The following MARCHF1 variants were observed in gnomAD, a reference collection of about 807,000 sequenced individuals.
The protein encoded by MARCHF1 is E3 ubiquitin-protein ligase MARCHF1.
Under a neutral mutation model 54.2 loss-of-function variants are expected in MARCHF1, and 40 were observed. The ratio of observed to expected loss-of-function variants is 0.74; its 90% CI spans 0.57 to 0.96. The LOEUF (loss-of-function observed/expected upper bound fraction) is 0.96, where lower values mean the gene tolerates loss of function less well. MARCHF1 is among the 40% of genes least tolerant of loss of function. The pLI, the probability that MARCHF1 is intolerant of heterozygous loss-of-function variation, is 0.00. For synonymous variants in MARCHF1, 236 were observed against 236.3 expected, an observed-to-expected ratio of 1.00 and a Z score of 0.01; for missense variants, 586 against 656.5, an observed-to-expected ratio of 0.89 and a Z score of 1.17.
intron 1 of MARCHF1, among the ~76,000 whole-genome samples, chr4:164,121,050 G>T (rs1177250711): frequency 6.6e-6 from 1 of 151,732 alleles, no homozygotes; most frequent in African/African-American, 2.4e-5. Context: ...TTGTTTTTTT[G>T]AAAAGTTAAA....
intron 2 of MARCHF1, among the ~76,000 whole-genome samples, chr4:164,028,558 C>T (rs1309629216): frequency 1.3e-5 from 2 of 152,098 alleles, no homozygotes; most frequent in African/African-American, 2.4e-5. Flanking sequence ...ACAACAGACA[C>T]TGCAAACTAC....
chr4:163,622,750 C>G (rs1281336391), intron 5 of MARCHF1, among the ~76,000 whole-genome samples: 1 of 152,170 alleles, frequency 6.6e-6, no homozygotes, highest in African/African-American at 2.4e-5. Flanking sequence ...TTGCCTAATG[C>G]TCCTTTTGGC....
At chr4:163,748,326 A>T (rs1746420552) in intron 4 of MARCHF1, among the ~76,000 whole-genome samples, 1 of 151,998 alleles carries the variant, frequency 6.6e-6, no homozygotes, top group East Asian at 1.9e-4. Context: ...AGACAAGAGA[A>T]TGAGGTAAAG....
chr4:163,684,903 C>T (rs1207273662), intron 5 of MARCHF1, among the ~76,000 whole-genome samples: 1 of 152,192 alleles, frequency 6.6e-6, no homozygotes, highest in Non-Finnish European at 1.5e-5. Flanking sequence ...GCTATCCATC[C>T]CTTTATCCAT....
chr4:163,895,042 ACAT>A (rs1750774857), intron 3 of MARCHF1, among the ~76,000 whole-genome samples: 2 of 151,966 alleles, frequency 1.3e-5, no homozygotes, highest in African/African-American at 4.8e-5. Context: ...GCACACATAT[ACAT>A]ATATGCATGT....
At chr4:163,960,720 T>G (rs1463850260) in intron 3 of MARCHF1, among the ~76,000 whole-genome samples, 2 of 151,612 alleles carry the variant, frequency 1.3e-5, no homozygotes, top group Non-Finnish European at 2.9e-5. Context: ...GCTTAATACC[T>G]GGGCGATGAA....
intron 1 of MARCHF1, among the ~76,000 whole-genome samples, chr4:164,171,329 G>A (rs976228232): frequency 6.6e-6 from 1 of 152,030 alleles, no homozygotes; most frequent in Non-Finnish European, 1.5e-5. Context: ...ATAAGTTACT[G>A]TTAACTTGGA....
chr4:164,140,782 ACAC>A (rs1434573264), intron 1 of MARCHF1, among the ~76,000 whole-genome samples: 1 of 144,836 alleles, frequency 6.9e-6, no homozygotes, highest in African/African-American at 2.6e-5. Context: ...ACACACACAC[ACAC>A]TGAACTCAGT....
chr4:163,645,042 G>A (rs575931026), intron 5 of MARCHF1, among the ~76,000 whole-genome samples: 2 of 152,228 alleles, frequency 1.3e-5, no homozygotes, highest in East Asian at 1.9e-4. Context: ...GCCTGCCCAG[G>A]GACCCACCCA....
In MARCHF1 at chr4:163,733,220, T is replaced by TATATAC. The variant is rs767728359; in HGVS notation, c.112-32358_112-32357insGTATAT. 6.4e-4 allele frequency among the ~76,000 whole-genome samples: 19 copies of TATATAC among 29,682 alleles called. 1 individual carries two copies. The highest frequency in any genetic ancestry group is 3.1e-3 in the South Asian group (2 of 638). 19.5% of individuals were successfully genotyped at this position (29,682 alleles called of 152,430 possible). A position where few individuals can be genotyped will look rare whatever the true frequency, so the allele number is the denominator to read the frequency against. ...ATATATATATATATATATATATATA[T>TATATAC]ACACGTGTATATATATATATACACG... is the stretch of plus-strand genomic sequence containing the variant. On this transcript the variant is annotated intron_variant, in intron 4 of 9. Coordinates refer to ENST00000514618, the MANE Select transcript of MARCHF1 (RefSeq NM_001394959.1).
At chr4:163,648,486 T>G (rs1742841451) in intron 5 of MARCHF1, among the ~76,000 whole-genome samples, 1 of 151,796 alleles carries the variant, frequency 6.6e-6, no homozygotes, top group South Asian at 2.1e-4. Flanking sequence ...TGCATAAAAC[T>G]AGGCACGTTA....
chr4:164,290,993 T>C (rs965536324), intron 1 of MARCHF1, among the ~76,000 whole-genome samples: 4 of 151,976 alleles, frequency 2.6e-5, no homozygotes, highest in African/African-American at 9.6e-5. Flanking sequence ...AAAGTAAACA[T>C]GTTTTTTAAA....
chr4:163,693,203 A>T (rs548303898), intron 5 of MARCHF1, among the ~76,000 whole-genome samples: 1 of 151,548 alleles, frequency 6.6e-6, no homozygotes, highest in East Asian at 2.0e-4. Context: ...TAGGAAATAA[A>T]ACGAACGTAT....
At chr4:164,107,611 C>A (rs1280767163) in intron 2 of MARCHF1, among the ~76,000 whole-genome samples, 1 of 152,116 alleles carries the variant, frequency 6.6e-6, no homozygotes, top group African/African-American at 2.4e-5. Context: ...AATCCACCCA[C>A]TTCTGCCCCT....
chr4:164,264,881 T>C (rs1439930448), intron 1 of MARCHF1, among the ~76,000 whole-genome samples: 1 of 149,942 alleles, frequency 6.7e-6, no homozygotes, highest in Non-Finnish European at 1.5e-5. Context: ...AATCACGCCA[T>C]TGCACTCCAG....
intron 1 of MARCHF1, among the ~76,000 whole-genome samples, chr4:164,229,384 A>G (rs1302958503): frequency 6.6e-6 from 1 of 152,188 alleles, no homozygotes; most frequent in Non-Finnish European, 1.5e-5. Context: ...CACTGTGGAA[A>G]GGCCTGAGAG....
intron 4 of MARCHF1, among the ~76,000 whole-genome samples, chr4:163,751,214 G>A (rs2110780140): frequency 6.6e-6 from 1 of 151,540 alleles, no homozygotes; most frequent in South Asian, 2.1e-4. Flanking sequence ...GTTGGAGAGT[G>A]CAGTAACTAC....
intron 3 of MARCHF1, among the ~76,000 whole-genome samples, chr4:163,875,162 C>T (rs977327419): frequency 6.6e-6 from 1 of 151,856 alleles, no homozygotes; most frequent in Admixed American, 6.6e-5. Flanking sequence ...TTGACACACA[C>T]GTTGAATTTT....
At chr4:163,633,544 G>C (rs550216443) in intron 5 of MARCHF1, among the ~76,000 whole-genome samples, 19 of 152,152 alleles carry the variant, frequency 1.2e-4, no homozygotes, top group Non-Finnish European at 2.2e-4. Context: ...GAAGTTTAGA[G>C]AAAAAAGAAT....
Sources: allele counts gnomAD v4.1 joint callset (sites outside exome capture counted in the v4.1 genomes callset), GRCh38; gene constraint gnomAD v4.1.1; transcripts MANE v1.5; gene names NCBI Gene and HGNC (gene_info 2026-07-23, HGNC 2026-07-21).